PDE8B: variants seen among roughly 807,000 people sequenced by gnomAD.
The protein encoded by PDE8B is high affinity cAMP-specific and IBMX-insensitive 3',5'-cyclic phosphodiesterase 8B.
A neutral mutation model predicts 101.3 loss-of-function variants in PDE8B; 26 were observed. The observed-to-expected ratio is 0.26, with a 90% confidence interval of 0.19 to 0.36. PDE8B has a LOEUF of 0.36. Ranked by LOEUF, PDE8B falls within the 10% of genes least tolerant of loss-of-function variation. The pLI, the probability that PDE8B is intolerant of heterozygous loss-of-function variation, is 1.00. For synonymous variants in PDE8B, 424 were observed against 429.3 expected, an observed-to-expected ratio of 0.99 and a Z score of 0.15; for missense variants, 810 against 1,163.1, an observed-to-expected ratio of 0.70 and a Z score of 4.42.
the PDE8B span, among the ~76,000 whole-genome samples, chr5:77,201,535 T>C: frequency 6.6e-6 from 1 of 152,172 alleles, no homozygotes; most frequent in African/African-American, 2.4e-5. Context: ...AGATTCTGGG[T>C]CCCAGAAAGT....
At chr5:77,217,063 A>G (rs1749917236) in intron 1 of PDE8B, among the ~76,000 whole-genome samples, 1 of 152,220 alleles carries the variant, frequency 6.6e-6, no homozygotes, top group South Asian at 2.1e-4. Flanking sequence ...TTTGATGACT[A>G]ATGATATTAA....
intron 10 of PDE8B, among the ~76,000 whole-genome samples, chr5:77,392,282 A>AC (rs1331187265): frequency 1.3e-5 from 2 of 152,068 alleles, no homozygotes; most frequent in African/African-American, 2.4e-5. Context: ...ATGCAGACCT[A>AC]CCCCCCAAAG....
the PDE8B span, among the ~76,000 whole-genome samples, chr5:77,122,785 A>C: frequency 6.6e-6 from 1 of 152,248 alleles, no homozygotes; most frequent in Non-Finnish European, 1.5e-5. Context: ...GCCAGCCTGC[A>C]ATTACATTTT....
At chr5:77,329,182 A>AGGT in intron 4 of PDE8B, 125 bp downstream of exon 4, 1 of 736,040 alleles carries the variant, frequency 1.4e-6, no homozygotes, top group Non-Finnish European at 2.5e-6. Context: ...CACCAGCCTT[A>AGGT]GATCTTGATC....
the PDE8B span, among the ~76,000 whole-genome samples, chr5:77,184,843 A>AATAAAT: frequency 6.6e-6 from 1 of 152,112 alleles, no homozygotes; most frequent in Non-Finnish European, 1.5e-5. Flanking sequence ...TAAAAATAAA[A>AATAAAT]TAATAAAATA....
intron 2 of PDE8B, among the ~76,000 whole-genome samples, chr5:77,315,980 GT>G (rs748665964): frequency 2.2e-4 from 32 of 147,904 alleles, no homozygotes; most frequent in African/African-American, 3.2e-4. Context: ...GCATATTGGG[GT>G]TTTTTTTTCA....
rs1275541565 is a variant in PDE8B at position 77,353,355 on chromosome 5, G to A, written c.1116G>A (p.Arg372=). 2.5e-6 allele frequency: 4 copies of A among 1,570,556 alleles called. No homozygotes were observed. Among genetic ancestry groups the A allele is most frequent in the East Asian group, 2.2e-5 (1 of 44,684 alleles). Residue 372 remains arginine (R), a synonymous_variant, in exon 10 of 22, where the codon AGG becomes AGA. Coordinates refer to ENST00000264917, the MANE Select transcript of PDE8B (RefSeq NM_003719.5). ...TPVIGQGGKI[R]HFVSLKKLCC... is the part of the protein sequence containing the mutation. ...GATTATTTGTTATTAGGAAAATTAGGCATTTTGTCTCGCTCAAGAAACTGT... is the reference window on the plus strand; with the variant it reads ...GATTATTTGTTATTAGGAAAATTAGACATTTTGTCTCGCTCAAGAAACTGT...
chr5:77,411,812 T>G, intron 15 of PDE8B, 91 bp downstream of exon 15: 1 of 977,000 alleles, frequency 1.0e-6, no homozygotes, highest in African/African-American at 1.6e-5. Context: ...AGGTGTTACT[T>G]CCAGCTAGTC....
rs75851614 is a variant in PDE8B at position 77,317,462 on chromosome 5, G to A, written c.399+5409G>A. 1.2e-4 allele frequency among the ~76,000 whole-genome samples: 19 copies of A among 152,254 alleles called. No homozygotes were observed. The East Asian group carries it at 3.7e-3, about 29-fold the overall frequency. On this transcript the variant is annotated intron_variant, in intron 2 of 21. Coordinates refer to ENST00000264917, the MANE Select transcript of PDE8B (RefSeq NM_003719.5). ...CCATGTCAGGAAATGTACTCCCATA[G>A]GGCTCCACACACCCCACACAGAGCT...
At chr5:77,423,443 T>C (rs1429654931) in intron 20 of PDE8B, among the ~76,000 whole-genome samples, 2 of 152,094 alleles carry the variant, frequency 1.3e-5, no homozygotes, top group East Asian at 1.9e-4. Context: ...TCCGAACTGC[T>C]TTCCACAGGG....
At chr5:77,264,884 C>G (rs942530378) in intron 1 of PDE8B, among the ~76,000 whole-genome samples, 5 of 152,040 alleles carry the variant, frequency 3.3e-5, no homozygotes, top group Non-Finnish European at 7.4e-5. Flanking sequence ...AAATTGATTC[C>G]CAGAGGCAAA....
intron 3 of PDE8B, among the ~76,000 whole-genome samples, chr5:77,327,595 T>C (rs1360116466): frequency 6.6e-6 from 1 of 152,196 alleles, no homozygotes; most frequent in Non-Finnish European, 1.5e-5. Context: ...ACACTATGTA[T>C]TTTTTCATTA....
chr5:77,350,265 T>C lies in PDE8B; in HGVS notation c.1017+706T>C, dbSNP rs757640163. Among the ~76,000 whole-genome samples the C allele has an allele frequency of 5.9e-5, 9 of 152,270 alleles. No individual in the cohort carries two copies. In the South Asian group the frequency reaches 6.2e-4, roughly 11 times the overall value. On this transcript the variant is annotated intron_variant, in intron 8 of 21. Transcript: ENST00000264917. The stretch of plus-strand genomic sequence containing the variant: ...TAATAGAGGGAACATTTTAGAGGGA[T>C]AAGATAAATTTGGATTATAGATGAT...
intron 1 of PDE8B, among the ~76,000 whole-genome samples, chr5:77,294,370 C>T (rs1243456703): frequency 6.6e-6 from 1 of 152,182 alleles, no homozygotes; most frequent in African/African-American, 2.4e-5. Flanking sequence ...AGGGGACAGT[C>T]CCCCAGGAGT....
Position 77,426,182 on chromosome 5 carries a change from G to A in PDE8B, c.2549-263G>A, listed in dbSNP as rs545135279. 2.0e-5 allele frequency: 12 copies of A among 589,696 alleles called. No individual in the cohort carries two copies. The East Asian group carries it at 3.5e-4, about 17-fold the overall frequency. 36.5% of individuals were successfully genotyped at this position (589,696 alleles called of 1,614,324 possible). The stretch of plus-strand genomic sequence containing the variant: ...TTACTGCAGTGTTTTTCTGTCGTTG[G>A]AGGAAAACTCTAGAAAGAATGCAAA... On this transcript the variant is annotated intron_variant, in intron 21 of 21. Transcript: ENST00000264917.
chr5:77,223,577 A>AT (rs1404900816), intron 1 of PDE8B, among the ~76,000 whole-genome samples: 1 of 152,076 alleles, frequency 6.6e-6, no homozygotes, highest in East Asian at 1.9e-4. Context: ...AGCATTTACA[A>AT]TTTGACATTG....
the PDE8B span, among the ~76,000 whole-genome samples, chr5:77,129,109 T>C: frequency 4.6e-5 from 7 of 152,130 alleles, no homozygotes; most frequent in Non-Finnish European, 1.0e-4. Flanking sequence ...TGTGTCCACA[T>C]AAAAAATTAC....
intron 15 of PDE8B, among the ~76,000 whole-genome samples, 152 bp from the exon 16 acceptor site, chr5:77,411,946 AAT>A (rs746438420): frequency 6.6e-6 from 1 of 152,248 alleles, no homozygotes; most frequent in Non-Finnish European, 1.5e-5. Context: ...AGTTAAAGTG[AAT>A]TATTTTTCTA....
At chr5:77,180,729 A>T in the PDE8B span, among the ~76,000 whole-genome samples, 1 of 152,190 alleles carries the variant, frequency 6.6e-6, no homozygotes, top group South Asian at 2.1e-4. Context: ...TATTATTCCC[A>T]ATAATAATTG....
Sources: allele counts gnomAD v4.1 joint callset (sites outside exome capture counted in the v4.1 genomes callset), GRCh38; gene constraint gnomAD v4.1.1; transcripts MANE v1.5; gene names NCBI Gene and HGNC (gene_info 2026-07-23, HGNC 2026-07-21).